Variants in ERC2 observed in about 807,000 individuals in gnomAD.
The protein encoded by ERC2 is ERC protein 2.
Under a neutral mutation model 114.8 loss-of-function variants are expected in ERC2, and 42 were observed. The ratio of observed to expected loss-of-function variants is 0.37; its 90% CI spans 0.29 to 0.47. The LOEUF (loss-of-function observed/expected upper bound fraction) is 0.47. ERC2 is among the 20% of genes least tolerant of loss of function. ERC2 has a pLI of 0.99. For missense variants in ERC2, 939 were observed against 1,150.7 expected, an observed-to-expected ratio of 0.82 and a Z score of 2.66; for synonymous variants, 454 against 425.5, an observed-to-expected ratio of 1.07 and a Z score of -0.82.
chr3:56,128,366 G>T (rs1282245917), intron 6 of ERC2, among the ~76,000 whole-genome samples: 1 of 152,034 alleles, frequency 6.6e-6, no homozygotes, highest in Non-Finnish European at 1.5e-5. Flanking sequence ...TGTGTCTCCA[G>T]CACCTAGGAC....
At chr3:55,835,075 C>G (rs1469093787) in intron 14 of ERC2, among the ~76,000 whole-genome samples, 1 of 151,794 alleles carries the variant, frequency 6.6e-6, no homozygotes, top group Non-Finnish European at 1.5e-5. Context: ...CTGAATAGAC[C>G]AATAACAGGC....
At chr3:55,711,790 G>A (rs561704922) in intron 15 of ERC2, among the ~76,000 whole-genome samples, 1 of 152,174 alleles carries the variant, frequency 6.6e-6, no homozygotes, top group Non-Finnish European at 1.5e-5. Flanking sequence ...TTGTCCTAAT[G>A]TGTTTGTTTC....
chr3:55,761,758 C>A (rs2067450089), intron 14 of ERC2, among the ~76,000 whole-genome samples: 1 of 151,672 alleles, frequency 6.6e-6, no homozygotes, highest in African/African-American at 2.4e-5. Context: ...CGCCTGTAGT[C>A]CCAGCTACTC....
intron 2 of ERC2, among the ~76,000 whole-genome samples, chr3:56,396,485 T>A (rs969242): frequency 7.2e-5 from 11 of 152,102 alleles, no homozygotes; most frequent in Non-Finnish European, 1.0e-4. Context: ...TGGTTTGACA[T>A]GTGCTCACAT....
At chr3:55,977,582 T>G (rs1421072189) in intron 12 of ERC2, among the ~76,000 whole-genome samples, 1 of 152,214 alleles carries the variant, frequency 6.6e-6, no homozygotes, top group Non-Finnish European at 1.5e-5. Flanking sequence ...AAAAGCGCAT[T>G]GCACTGGCAG....
intron 17 of ERC2, among the ~76,000 whole-genome samples, chr3:55,547,117 G>A (rs1361227862): frequency 6.6e-6 from 1 of 152,238 alleles, no homozygotes; most frequent in African/African-American, 2.4e-5. Flanking sequence ...GACAGCAGGG[G>A]ATGCGTGTAA....
intron 14 of ERC2, among the ~76,000 whole-genome samples, chr3:55,875,737 C>T (rs1448456838): frequency 6.6e-6 from 1 of 151,804 alleles, no homozygotes; most frequent in Admixed American, 6.6e-5. Context: ...CTCTCTCTCT[C>T]ACCCCTCTTC....
intron 14 of ERC2, among the ~76,000 whole-genome samples, chr3:55,815,027 CTTG>C (rs1183313281): frequency 1.2e-4 from 18 of 152,296 alleles, no homozygotes; most frequent in African/African-American, 4.3e-4. Context: ...GGGCAGTCCA[CTTG>C]TTGTAATCCC....
At chr3:55,888,054 C>T (rs1402201886) in intron 14 of ERC2, among the ~76,000 whole-genome samples, 1 of 152,226 alleles carries the variant, frequency 6.6e-6, no homozygotes, top group African/African-American at 2.4e-5. Context: ...GAGCAGCGCT[C>T]AAATTACCAT....
chr3:56,322,922 G>A (rs2057193626), intron 2 of ERC2, among the ~76,000 whole-genome samples: 1 of 152,166 alleles, frequency 6.6e-6, no homozygotes, highest in Non-Finnish European at 1.5e-5. Flanking sequence ...TTGGGTTGGT[G>A]GGGGCAGATC....
intron 15 of ERC2, among the ~76,000 whole-genome samples, chr3:55,716,354 C>T (rs1435944099): frequency 6.6e-6 from 1 of 152,212 alleles, no homozygotes; most frequent in Non-Finnish European, 1.5e-5. Flanking sequence ...CCCTACAAAA[C>T]CAGGTACTTC....
intron 7 of ERC2, among the ~76,000 whole-genome samples, chr3:56,022,492 G>A (rs577727830): frequency 6.6e-6 from 1 of 152,200 alleles, no homozygotes; most frequent in African/African-American, 2.4e-5. Flanking sequence ...ATACTCCAAA[G>A]ATGACTGAAT....
intron 7 of ERC2, among the ~76,000 whole-genome samples, chr3:56,067,376 T>C (rs184146339): frequency 6.6e-6 from 1 of 152,338 alleles, no homozygotes; most frequent in African/African-American, 2.4e-5. Context: ...ATAGGAATGC[T>C]TGTGATTTTG....
At chr3:56,236,139 T>A (rs1251230331) in intron 3 of ERC2, among the ~76,000 whole-genome samples, 9 of 152,134 alleles carry the variant, frequency 5.9e-5, no homozygotes. Context: ...AGTGGAAATT[T>A]TGCTTATAGA....
At chr3:56,217,539 A>G (rs1250597705) in intron 3 of ERC2, among the ~76,000 whole-genome samples, 3 of 152,362 alleles carry the variant, frequency 2.0e-5, no homozygotes, top group East Asian at 3.9e-4. Flanking sequence ...GGAAGAATCA[A>G]TATCGTGAAA....
intron 10 of ERC2, among the ~76,000 whole-genome samples, chr3:55,993,325 T>G (rs1237847410): frequency 2.0e-5 from 3 of 152,226 alleles, no homozygotes; most frequent in African/African-American, 7.2e-5. Context: ...GTTTTTCTGC[T>G]GTCTTGCTAC....
chr3:56,357,328 A>T (rs1342820880), intron 2 of ERC2, among the ~76,000 whole-genome samples: 1 of 152,210 alleles, frequency 6.6e-6, no homozygotes, highest in Non-Finnish European at 1.5e-5. Flanking sequence ...GGCAGAGGCC[A>T]TTAATTTCTA....
At chr3:56,186,501 C>A (rs772844901) in intron 3 of ERC2, among the ~76,000 whole-genome samples, 1 of 151,948 alleles carries the variant, frequency 6.6e-6, no homozygotes, top group African/African-American at 2.4e-5. Flanking sequence ...CTACAGGGTC[C>A]TTTTGTTGTT....
intron 1 of ERC2, among the ~76,000 whole-genome samples, chr3:56,452,352 G>A (rs1038467516): frequency 1.3e-5 from 2 of 152,212 alleles, no homozygotes; most frequent in African/African-American, 4.8e-5. Flanking sequence ...TCATCACCCA[G>A]TGCACAGCAG....
Sources: allele counts gnomAD v4.1 joint callset (sites outside exome capture counted in the v4.1 genomes callset), GRCh38; gene constraint gnomAD v4.1.1; transcripts MANE v1.5; gene names NCBI Gene and HGNC (gene_info 2026-07-23, HGNC 2026-07-21).